The following WDR87 variants were observed in gnomAD, a reference collection of about 807,000 sequenced individuals.
WDR87 encodes the protein WD repeat-containing protein 87.
A neutral mutation model predicts 83.3 loss-of-function variants in WDR87; 56 were observed. The ratio of observed to expected loss-of-function variants is 0.67; its 90% CI spans 0.54 to 0.84. The LOEUF is 0.84. Ranked by LOEUF, WDR87 falls within the 40% of genes least tolerant of loss-of-function variation. WDR87 has a pLI of 0.00. For synonymous variants in WDR87, 1,173 were observed against 1,250.6 expected, an observed-to-expected ratio of 0.94 and a Z score of 1.31; for missense variants, 2,939 against 3,431.9, an observed-to-expected ratio of 0.86 and a Z score of 3.59.
Position 37,892,642 on chromosome 19 carries a change from C to T in WDR87, c.3061G>A (p.Gly1021Arg). The change falls in exon 4 of 6, where the codon GGA becomes AGA. Residue 1021 changes from glycine to arginine, a missense_variant. By Grantham distance (125) the Gly-to-Arg change is moderately radical (BLOSUM62 -2). Transcript: ENST00000447313. Reference sequence around the variant, plus strand: ...AAGAGTGAGGTCCTAGAGTGGATTCCAATCTCAGCCATGAGGCTTAGGGTC... The same window carrying T: ...AAGAGTGAGGTCCTAGAGTGGATTCTAATCTCAGCCATGAGGCTTAGGGTC... ...IKTLSLMAEI[G>R]IHSRTSLLQL... 1 of 1,547,286 alleles carries T rather than the reference C, an allele frequency of 6.5e-7. No homozygotes were observed. The highest frequency in any genetic ancestry group is 8.7e-7 in the Non-Finnish European group (1 of 1,143,424).
Position 37,889,830 on chromosome 19 carries a change from A to T in WDR87, c.3841T>A (p.Trp1281Arg). The T allele has an allele frequency of 6.4e-7, 1 of 1,551,780 alleles. No homozygotes were observed. Among genetic ancestry groups the T allele is most frequent in the Non-Finnish European group, 8.7e-7 (1 of 1,147,028 alleles). ...ATAAGACGACATAGATCGTCCCTCC[A>T]TGATGAGCCATCTCCAGCGGTTGAC... ...RRSTAGDGSS[W>R]RDDLCRLMAL... The change falls in exon 6 of 6, where the codon TGG (tryptophan) becomes AGG (arginine). Residue 1281 changes from tryptophan to arginine, a missense_variant. Physicochemically the swap from Trp to Arg is moderately radical, Grantham distance 101. This residue lies in a region of WDR87 where 2,160 missense variants were observed against 2,533.1 expected (regional missense o/e 0.85). Coordinates refer to ENST00000447313, the MANE Select transcript of WDR87 (RefSeq NM_001291088.2).
chr19:37,893,479 A>T lies in WDR87; in HGVS notation c.2224T>A (p.Phe742Ile). ...EKLVNNRAIAFDHSVPHVIEE... is the reference protein window; with the variant it reads ...EKLVNNRAIAIDHSVPHVIEE... ...ATCACATGTGGCACAGAATGGTCAA[A>T]GGCAATGGCCCGGTTGTTGACAAGT... The change falls in exon 4 of 6, where the codon TTT becomes ATT. Residue 742 changes from phenylalanine to isoleucine, a missense_variant. Phe to Ile is a conservative substitution (Grantham distance 21). Around this residue, in one of 3 missense-constraint regions of WDR87, gnomAD observed 2,160 missense variants for 2,533.1 expected, o/e 0.85. Transcript: ENST00000447313. 2 of 1,551,974 alleles carry T rather than the reference A, an allele frequency of 1.3e-6. No homozygotes were observed. The highest frequency in any genetic ancestry group is 1.7e-6 in the Non-Finnish European group (2 of 1,147,060).
In WDR87 at chr19:37,894,948, T is replaced by C. The variant is rs1325729530; in HGVS notation, c.755A>G (p.Asp252Gly). 1 of 1,551,538 alleles carries C rather than the reference T, an allele frequency of 6.4e-7. No individual in the cohort carries two copies. The highest frequency in any genetic ancestry group is 1.4e-5 in the African/African-American group (1 of 73,138). ...GTTTCCAGCATAGAGAAAGCCCTGA[T>C]CAAAACAGGTGAAGCAGCAGGTGAT... ...SSITCCFTCF[D>G]QGFLYAGNQA... Residue 252 changes from aspartate to glycine, a missense_variant, in exon 4 of 6, where the codon GAT (aspartate) becomes GGT (glycine). Around this residue, in one of 3 missense-constraint regions of WDR87, gnomAD observed 226 missense variants for 320.9 expected, o/e 0.70. Transcript: ENST00000447313.
In WDR87 at chr19:37,889,262, A is replaced by T; in HGVS notation, c.4409T>A (p.Val1470Glu). ...CTCCTCTAGTGTGGCCATTTCCTCC[A>T]CTTCCTCACTCATATCCCTCTCTTC... ...TKEERDMSEE[V>E]EEMATLEEKV... is the part of the protein sequence containing the mutation. Residue 1470 changes from valine (V) to glutamate (E), a missense_variant, in exon 6 of 6, where the codon GTG becomes GAG. Coordinates refer to ENST00000447313, the MANE Select transcript of WDR87 (RefSeq NM_001291088.2). The T allele has an allele frequency of 6.5e-7, 1 of 1,550,364 alleles. No individual in the cohort carries two copies. Among genetic ancestry groups the T allele is most frequent in the African/African-American group, 1.4e-5 (1 of 72,576 alleles).
Position 37,892,850 on chromosome 19 carries a change from G to C in WDR87, c.2853C>G (p.Tyr951Ter). 2 of 1,551,858 alleles carry C rather than the reference G, an allele frequency of 1.3e-6. No individual in the cohort carries two copies. The highest frequency in any genetic ancestry group is 8.7e-7 in the Non-Finnish European group (1 of 1,147,036). ...CAGAGCGTAGGGCTGGGGACACCTG[G>C]TAAGAGGCAAAGATTTGCCCTAGTG... ...VGALGQIFAS[Y>*]QVSPALRSET... Residue 951 changes from tyrosine to a stop codon, truncating the protein, a stop_gained, in exon 4 of 6, where the codon TAC becomes TAG. Transcript: ENST00000447313. LOFTEE classifies it high-confidence loss of function.
At position 37,886,241 on chromosome 19, in the gene WDR87, T is replaced by C. The variant is rs768628714; in HGVS notation, c.7430A>G (p.Glu2477Gly). Reference protein sequence around the residue: ...KFLGTMDKEREVMGKYEPIPP... With the variant: ...KFLGTMDKERGVMGKYEPIPP... ...TATGGGTTCATATTTTCCCATCACTTCTCTTTCTTTATCCATTGTCCCTAA... is the reference window on the plus strand; with the variant it reads ...TATGGGTTCATATTTTCCCATCACTCCTCTTTCTTTATCCATTGTCCCTAA... The change falls in exon 6 of 6, where the codon GAA becomes GGA. Residue 2477 changes from glutamate to glycine, a missense_variant. Around this residue, in one of 3 missense-constraint regions of WDR87, gnomAD observed 2,160 missense variants for 2,533.1 expected, o/e 0.85. Transcript: ENST00000447313. 1.2e-5 allele frequency: 18 copies of C among 1,551,578 alleles called. No homozygotes were observed. In the African/African-American group the frequency reaches 2.5e-4, roughly 21 times the overall value.
chr19:37,904,881 A>G (rs2046314129), intron 1 of WDR87, among the ~76,000 whole-genome samples: 1 of 152,152 alleles, frequency 6.6e-6, no homozygotes, highest in Non-Finnish European at 1.5e-5. Context: ...TAATGCCGCA[A>G]ATGAGTATCT....
In WDR87 at chr19:37,884,840, AAAGAG is replaced by A; in HGVS notation, c.*87_*91del. The A allele has an allele frequency of 2.4e-5, 28 of 1,176,728 alleles. No individual in the cohort carries two copies. The highest frequency in any genetic ancestry group is 2.9e-5 in the Non-Finnish European group (27 of 922,152). 72.9% of individuals were successfully genotyped at this position (1,176,728 alleles called of 1,614,324 possible). ...TGAAACACCGTCTCAAAAAAAAAAA[AAAGAG>A]AGAGAGAGAGATGAAGGTCTAGATC... On this transcript the variant is annotated 3_prime_UTR_variant, in exon 6 of 6. Coordinates refer to ENST00000447313, the MANE Select transcript of WDR87 (RefSeq NM_001291088.2).
Position 37,888,994 on chromosome 19 carries a change from C to T in WDR87, c.4677G>A (p.Glu1559=), listed in dbSNP as rs145179229. The T allele has an allele frequency of 3.6e-4, 553 of 1,552,062 alleles. 1 individual carries two copies. In the Middle Eastern group the frequency reaches 4.0e-3, roughly 11 times the overall value. Residue 1559 remains glutamate (E), a synonymous_variant, in exon 6 of 6, where the codon GAG becomes GAA. Coordinates refer to ENST00000447313, the MANE Select transcript of WDR87 (RefSeq NM_001291088.2). The part of the protein sequence containing the change: ...LQEDKKLKWE[E]WKQVWENMLS... ...ACATATTTTCCCAGACTTGTTTCCA[C>T]TCCTCCCATTTCAGCTTCTTGTCCT... is the stretch of plus-strand genomic sequence containing the variant.
At chr19:37,904,051 C>T (rs1183056988) in intron 1 of WDR87, among the ~76,000 whole-genome samples, 3 of 151,430 alleles carry the variant, frequency 2.0e-5, no homozygotes, top group South Asian at 2.1e-4. Flanking sequence ...TACAGGCGCC[C>T]GCCACCATGC....
In WDR87 at chr19:37,885,249, G is replaced by A; in HGVS notation, c.8422C>T (p.Gln2808Ter). Residue 2808 changes from glutamine (Q) to a stop codon, truncating the protein, a stop_gained, in exon 6 of 6, where the codon CAG becomes TAG. Transcript: ENST00000447313. LOFTEE classifies it low-confidence loss of function (END_TRUNC). ...ATTAGCAGCTCCTGAAGCAGCTTCT[G>A]GATTCTGGGGGACTTAAGTTGGTAC... The part of the protein sequence containing the change: ...DLYQLKSPRI[Q>*]KLLQELLMRE... 6.6e-7 allele frequency: 1 copy of A among 1,515,274 alleles called. No individual in the cohort carries two copies. The highest frequency in any genetic ancestry group is 8.8e-7 in the Non-Finnish European group (1 of 1,132,400). The allele number at this position is 1,515,274 out of a possible 1,614,324, so 93.9% of individuals were successfully genotyped here.
Position 37,887,541 on chromosome 19 carries a change from G to A in WDR87, c.6130C>T (p.Leu2044=), listed in dbSNP as rs1248100134. 2 of 1,551,654 alleles carry A rather than the reference G, an allele frequency of 1.3e-6. No individual in the cohort carries two copies. Among genetic ancestry groups the A allele is most frequent in the Non-Finnish European group, 8.7e-7 (1 of 1,147,028 alleles). The change falls in exon 6 of 6, where the codon CTA becomes TTA. Residue 2044 remains leucine, a synonymous_variant. Transcript: ENST00000447313. ...TCTAGTGACAATTTTCTCTCAAATA[G>A]TTCTTGTTCAACTTGAGTCATTTTC... is the stretch of plus-strand genomic sequence containing the variant. The part of the protein sequence containing the change: ...QRKMTQVEQE[L]FERKLSLEEK...
Position 37,888,682 on chromosome 19 carries a change from G to C in WDR87, c.4989C>G (p.Thr1663=). 1 of 1,551,416 alleles carries C rather than the reference G, an allele frequency of 6.4e-7. No homozygotes were observed. Residue 1663 remains threonine (T), a synonymous_variant, in exon 6 of 6, where the codon ACC becomes ACG. Transcript: ENST00000447313. The part of the protein sequence containing the change: ...RKLAQAYVKI[T]QDDREMAQAE... The stretch of plus-strand genomic sequence containing the variant: ...CCTGGGCCATTTCCCTGTCATCCTG[G>C]GTTATTTTCACGTATGCCTGGGCCA...
chr19:37,903,467 G>A (rs1599775228), intron 1 of WDR87, among the ~76,000 whole-genome samples: 1 of 152,322 alleles, frequency 6.6e-6, no homozygotes, highest in Non-Finnish European at 1.5e-5. Context: ...GGATCCCTGA[G>A]AAGTAACGAC....
chr19:37,895,878 T>C (rs2046251656), intron 3 of WDR87: 7 of 481,532 alleles, frequency 1.5e-5, no homozygotes, highest in South Asian at 5.9e-5. Context: ...ACTCAAGTGA[T>C]TTTATCCCTT....
Position 37,891,726 on chromosome 19 carries a change from T to TC in WDR87, c.3219dup (p.Asn1074GlufsTer2). ...CTATGTGACAGGGTCAGGTTTTCAT[T>TC]CAATCTCTGCTCCACTTGAGTGGAA... is the stretch of plus-strand genomic sequence containing the variant. On this transcript the variant is annotated frameshift_variant, in exon 5 of 6. Transcript: ENST00000447313. LOFTEE classifies it high-confidence loss of function. 1 of 1,552,078 alleles carries TC rather than the reference T, an allele frequency of 6.4e-7. No individual in the cohort carries two copies. Among genetic ancestry groups the TC allele is most frequent in the South Asian group, 1.2e-5 (1 of 84,062 alleles).
Position 37,889,640 on chromosome 19 carries a change from AG to A in WDR87, c.4030del (p.Asp1345IlefsTer4), listed in dbSNP as rs972522036. 1.3e-5 allele frequency: 20 copies of A among 1,551,778 alleles called. No homozygotes were observed. The highest frequency in any genetic ancestry group is 1.7e-5 in the Non-Finnish European group (19 of 1,147,056). On this transcript the variant is annotated frameshift_variant, in exon 6 of 6. Transcript: ENST00000447313. LOFTEE classifies it low-confidence loss of function (END_TRUNC). Reference protein sequence around the residue: ...KKESKVLLEDLDWDVVPPEKK... With the variant: ...KKESKVLLEDXDWDVVPPEKK... ...CTCTGGCGGGACTACATCCCAATCA[AG>A]GTCCTCAAGCAGAACCTTACTTTCT...
Position 37,889,880 on chromosome 19 carries a change from C to T in WDR87, c.3791G>A (p.Gly1264Glu). ...CCTGCGGCCAGATATTCCAGAGGCT[C>T]CCCGCCCTTGGATTTTAACCTTTTT... is the stretch of plus-strand genomic sequence containing the variant. ...VTKKVKIQGRGASGISGRRST... is the reference protein window; with the variant it reads ...VTKKVKIQGREASGISGRRST... The change falls in exon 6 of 6, where the codon GGA becomes GAA. Residue 1264 changes from glycine (G) to glutamate (E), a missense_variant. Gly to Glu is a moderately conservative substitution (Grantham distance 98, BLOSUM62 -2). This residue lies in a region of WDR87 where 2,160 missense variants were observed against 2,533.1 expected (regional missense o/e 0.85). Transcript: ENST00000447313. The T allele has an allele frequency of 6.4e-7, 1 of 1,551,638 alleles. No individual in the cohort carries two copies.
In WDR87 at chr19:37,901,720, G is replaced by GT. The variant is rs562030968; in HGVS notation, c.-46-3436dup. The stretch of plus-strand genomic sequence containing the variant: ...CTCTATGTTTATTTAATTTTATGTG[G>GT]TTTTTTTTTTTGAGACAGGGTCTCG... On this transcript the variant is annotated intron_variant, in intron 1 of 5. Transcript: ENST00000447313. 8.7e-3 allele frequency among the ~76,000 whole-genome samples: 1,276 copies of GT among 146,054 alleles called. 39 individuals are homozygous for GT. The highest frequency in any genetic ancestry group is 0.075 in the East Asian group (377 of 5,042).
Sources: gnomAD v4.1 joint callset for allele counts (sites outside exome capture counted in the v4.1 genomes callset) on GRCh38, gnomAD v4.1.1 for gene constraint, gnomAD v4.1.1 regional missense constraint, MANE v1.5 for transcripts, NCBI Gene and HGNC (gene_info 2026-07-23, HGNC 2026-07-21) for gene names.